The following IPO9 variants were observed in gnomAD, a reference collection of about 807,000 sequenced individuals.
IPO9 encodes the protein importin-9.
A neutral mutation model predicts 128.6 loss-of-function variants in IPO9; 28 were observed. The ratio of observed to expected loss-of-function variants is 0.22; its 90% CI spans 0.16 to 0.30. IPO9 has a LOEUF of 0.30. Ranked by LOEUF, IPO9 falls within the 10% of genes least tolerant of loss-of-function variation. The pLI is 1.00. For missense variants in IPO9, 935 were observed against 1,293.9 expected, an observed-to-expected ratio of 0.72 and a Z score of 4.26; for synonymous variants, 455 against 475.8, an observed-to-expected ratio of 0.96 and a Z score of 0.57.
At chr1:201,872,693 C>G in intron 19 of IPO9, 135 bp from the exon 20 acceptor site, 1 of 969,690 alleles carries the variant, frequency 1.0e-6, no homozygotes, top group Non-Finnish European at 1.5e-6. Context: ...CAGCTGAACT[C>G]TCTTAGCTCT....
chr1:201,852,953 A>G, intron 5 of IPO9, 58 bp from the exon 6 acceptor site: 1 of 1,339,894 alleles, frequency 7.5e-7, no homozygotes, highest in Admixed American at 1.7e-5. Flanking sequence ...TGAGATACAC[A>G]CATACCTACA....
rs1211622553 is a variant in IPO9 at position 201,869,726 on chromosome 1, A to G, written c.2133+8A>G. 3.1e-6 allele frequency: 5 copies of G among 1,613,906 alleles called. No homozygotes were observed. The highest frequency in any genetic ancestry group is 4.2e-6 in the Non-Finnish European group (5 of 1,179,874). ...GACAATGCCACCATGCAGGTATCTG[A>G]GACATGGAGAGTAGAAGAGGGAAGA... On this transcript the variant is annotated splice_region_variant and intron_variant, in intron 17 of 23. Coordinates refer to ENST00000361565, the MANE Select transcript of IPO9 (RefSeq NM_018085.5).
chr1:201,869,743 G>A (rs761802505), intron 17 of IPO9, 25 bp downstream of exon 17: 15 of 1,612,626 alleles, frequency 9.3e-6, no homozygotes, highest in Non-Finnish European at 1.3e-5. Context: ...GAGAGTAGAA[G>A]AGGGAAGATA....
intron 1 of IPO9, among the ~76,000 whole-genome samples, chr1:201,846,654 T>C (rs960958498): frequency 1.3e-5 from 2 of 152,112 alleles, no homozygotes; most frequent in Non-Finnish European, 2.9e-5. Flanking sequence ...ATTATAGGCA[T>C]GAGCCACTGC....
At chr1:201,866,076 C>T (rs898347148) in intron 14 of IPO9, among the ~76,000 whole-genome samples, 1 of 152,170 alleles carries the variant, frequency 6.6e-6, no homozygotes, top group African/African-American at 2.4e-5. Flanking sequence ...TTGTGTTACT[C>T]CTAACACCTA....
intron 10 of IPO9, among the ~76,000 whole-genome samples, chr1:201,856,527 G>T (rs1449791614): frequency 6.6e-6 from 1 of 152,138 alleles, no homozygotes; most frequent in Non-Finnish European, 1.5e-5. Context: ...GTAACAGCAG[G>T]TTGACATTGG....
intron 4 of IPO9, among the ~76,000 whole-genome samples, chr1:201,849,093 T>G (rs1440970195): frequency 1.3e-5 from 2 of 152,228 alleles, no homozygotes; most frequent in Non-Finnish European, 2.9e-5. Flanking sequence ...AATTGTAAAA[T>G]GGATTTTTAT....
At chr1:201,846,284 G>A (rs554669460) in intron 1 of IPO9, among the ~76,000 whole-genome samples, 1 of 152,336 alleles carries the variant, frequency 6.6e-6, no homozygotes, top group South Asian at 2.1e-4. Flanking sequence ...CTCATAACTG[G>A]TGGCATATAT....
At chr1:201,842,708 A>G (rs560519809) in intron 1 of IPO9, among the ~76,000 whole-genome samples, 64 of 152,312 alleles carry the variant, frequency 4.2e-4, no homozygotes, top group African/African-American at 1.5e-3. Context: ...GTCCAACTCA[A>G]AAGATACTGC....
rs1279308047 is a variant in IPO9, at chr1:201,868,608, C to T, written c.1856-40C>T. 14 of 1,586,744 alleles carry T rather than the reference C, an allele frequency of 8.8e-6. No individual in the cohort carries two copies. In the Admixed American group the frequency reaches 2.4e-4, roughly 27 times the overall value. Reference sequence around the variant, plus strand: ...CATTAAGCGAGAAGCAGATGCAGACCATCAGGCAGGGGGATTCCGTGTTGC... The same window carrying T: ...CATTAAGCGAGAAGCAGATGCAGACTATCAGGCAGGGGGATTCCGTGTTGC... On this transcript the variant is annotated intron_variant, in intron 15 of 23. Transcript: ENST00000361565.
rs1283344648 is a variant in IPO9 at position 201,880,389 on chromosome 1, C to G, written c.*4335C>G. 1 of 152,138 alleles carries G rather than the reference C, an allele frequency of 6.6e-6. No individual in the cohort carries two copies. The highest frequency in any genetic ancestry group is 1.5e-5 in the Non-Finnish European group (1 of 68,022). The allele number at this position is 152,138 out of a possible 1,614,324, so 9.4% of individuals were successfully genotyped here. On this transcript the variant is annotated 3_prime_UTR_variant, in exon 24 of 24. Transcript: ENST00000361565. ...CCGGAGGCTCCCTGACAGATGAGTC[C>G]TCTGCCAGAGGAAGGCTAAGATGTA...
intron 23 of IPO9, 94 bp downstream of exon 23, chr1:201,875,322 G>A: frequency 1.8e-6 from 2 of 1,107,260 alleles, no homozygotes; most frequent in South Asian, 1.2e-5. Flanking sequence ...AGGCATGGTG[G>A]CTCATGCCTG....
At position 201,878,728 on chromosome 1, in the gene IPO9, CAG is replaced by C. The variant is rs1248937299; in HGVS notation, c.*2677_*2678del. 1.3e-5 allele frequency: 2 copies of C among 152,162 alleles called. No individual in the cohort carries two copies. Among genetic ancestry groups the C allele is most frequent in the African/African-American group, 4.8e-5 (2 of 41,430 alleles). The allele number at this position is 152,162 out of a possible 1,614,324, so 9.4% of individuals were successfully genotyped here. ...CCATTTAACCTTTATAACAGGTTCA[CAG>C]AGTGGATATTCCCATTCTGTTGATG... On this transcript the variant is annotated 3_prime_UTR_variant, in exon 24 of 24. Coordinates refer to ENST00000361565, the MANE Select transcript of IPO9 (RefSeq NM_018085.5).
intron 1 of IPO9, among the ~76,000 whole-genome samples, chr1:201,846,199 G>C (rs1274892186): frequency 6.6e-6 from 1 of 152,154 alleles, no homozygotes; most frequent in Non-Finnish European, 1.5e-5. Context: ...TGCAGTTCAA[G>C]TTCCATTGCT....
At chr1:201,850,650 A>G (rs1224886358) in intron 4 of IPO9, 1 of 152,238 alleles carries the variant, frequency 6.6e-6, no homozygotes, top group African/African-American at 2.4e-5. Flanking sequence ...GTATTAATAA[A>G]TTGATACCAG....
Position 201,858,553 on chromosome 1 carries a change from G to T in IPO9, c.1328G>T (p.Trp443Leu). Residue 443 changes from tryptophan to leucine, a missense_variant and splice_region_variant, in exon 12 of 24, where the codon TGG (tryptophan) becomes TTG (leucine). Coordinates refer to ENST00000361565, the MANE Select transcript of IPO9 (RefSeq NM_018085.5). ...EQTKNSGTEH[W>L]WKIHEACMLA... is the part of the protein sequence containing the mutation. Reference sequence around the variant, plus strand: ...ACCAAAAACAGTGGCACTGAGCACTGGTAAGAGTGAGCCGCTAATTGGTTA... The same window carrying T: ...ACCAAAAACAGTGGCACTGAGCACTTGTAAGAGTGAGCCGCTAATTGGTTA... 6.5e-7 allele frequency: 1 copy of T among 1,527,626 alleles called. No individual in the cohort carries two copies. Among genetic ancestry groups the T allele is most frequent in the South Asian group, 1.2e-5 (1 of 80,726 alleles). 94.6% of individuals were successfully genotyped at this position (1,527,626 alleles called of 1,614,324 possible).
chr1:201,875,897 G>A, intron 23 of IPO9, 47 bp from the exon 24 acceptor site: 4 of 1,195,682 alleles, frequency 3.3e-6, no homozygotes, highest in Non-Finnish European at 5.0e-6. Flanking sequence ...ACTGCAAATG[G>A]GTGACTTGCA....
At chr1:201,841,362 A>G (rs891512068) in intron 1 of IPO9, among the ~76,000 whole-genome samples, 4 of 152,216 alleles carry the variant, frequency 2.6e-5, no homozygotes, top group Admixed American at 6.5e-5. Context: ...ATAAGTATAG[A>G]TGATGAGAGC....
rs556278288 is a variant in IPO9 at position 201,830,313 on chromosome 1, A to T, written c.163+941A>T. Reference sequence around the variant, plus strand: ...ACCACTTAAATACTTCATCAGAGATATGGGAAATTGTCCCATCACACACCC... The same window carrying T: ...ACCACTTAAATACTTCATCAGAGATTTGGGAAATTGTCCCATCACACACCC... On this transcript the variant is annotated intron_variant, in intron 1 of 23. Coordinates refer to ENST00000361565, the MANE Select transcript of IPO9 (RefSeq NM_018085.5). Among the ~76,000 whole-genome samples the T allele has an allele frequency of 2.6e-5, 4 of 152,352 alleles. No individual in the cohort carries two copies. The South Asian group carries it at 8.3e-4, about 32-fold the overall frequency.
Sources: gnomAD v4.1 joint callset for allele counts (sites outside exome capture counted in the v4.1 genomes callset) on GRCh38, gnomAD v4.1.1 for gene constraint, MANE v1.5 for transcripts, NCBI Gene and HGNC (gene_info 2026-07-23, HGNC 2026-07-21) for gene names.